PLEKHM3: variants seen among roughly 807,000 people sequenced by gnomAD.
PLEKHM3 encodes the protein pleckstrin homology domain-containing family M member 3.
PLEKHM3 carries 45 observed loss-of-function variants against 81.8 expected under a neutral mutation model. The ratio of observed to expected loss-of-function variants is 0.55; its 90% CI spans 0.43 to 0.71. The LOEUF (loss-of-function observed/expected upper bound fraction) is 0.71, where lower values mean the gene tolerates loss of function less well. PLEKHM3 is among the 30% of genes least tolerant of loss of function. The probability of loss-of-function intolerance (pLI) is 0.00; values close to 1 mark genes in which losing one functional copy is unlikely to be tolerated. For missense variants in PLEKHM3, 788 were observed against 924.3 expected (o/e 0.85, Z 1.91); for synonymous variants, 352 against 356.4 (o/e 0.99, Z 0.14).
At chr2:207,863,746 T>TAA (rs878875311) in intron 6 of PLEKHM3, among the ~76,000 whole-genome samples, 1 of 151,920 alleles carries the variant, frequency 6.6e-6, no homozygotes, top group Non-Finnish European at 1.5e-5. Context: ...ATGAGGCTCT[T>TAA]AAAAAAAACC....
intron 5 of PLEKHM3, among the ~76,000 whole-genome samples, chr2:207,909,053 C>A (rs193049913): frequency 6.6e-6 from 1 of 152,244 alleles, no homozygotes; most frequent in Non-Finnish European, 1.5e-5. Context: ...AGTGGCCACT[C>A]GTGTCTAGAG....
At chr2:207,841,731 T>A (rs1478892529) in intron 7 of PLEKHM3, among the ~76,000 whole-genome samples, 2 of 151,798 alleles carry the variant, frequency 1.3e-5, no homozygotes, top group East Asian at 3.9e-4. Flanking sequence ...TAAATTCCCA[T>A]ATTACTTGGG....
chr2:207,998,592 G>A (rs1279562047), intron 2 of PLEKHM3, among the ~76,000 whole-genome samples: 2 of 152,142 alleles, frequency 1.3e-5, no homozygotes, highest in African/African-American at 4.8e-5. Context: ...TGTTACAGCT[G>A]ACTTTTCAAA....
At chr2:207,830,680 GAAGGACACT>G (rs1559198484) in intron 7 of PLEKHM3, among the ~76,000 whole-genome samples, 18 of 143,954 alleles carry the variant, frequency 1.3e-4, no homozygotes, top group Admixed American at 6.1e-4. Context: ...GTCCTTAGAA[GAAGGACACT>G]TCTTCTAAGT....
intron 1 of PLEKHM3, among the ~76,000 whole-genome samples, chr2:208,024,188 T>A (rs1693233113): frequency 1.8e-5 from 2 of 110,266 alleles, no homozygotes; most frequent in Admixed American, 8.7e-5. Context: ...AAAATAACAA[T>A]AATAAAAACC....
chr2:207,995,228 A>C (rs1432493987), intron 2 of PLEKHM3, among the ~76,000 whole-genome samples: 2 of 152,230 alleles, frequency 1.3e-5, no homozygotes, highest in African/African-American at 4.8e-5. Flanking sequence ...AATAAGTTAA[A>C]TGCAGGAAAC....
intron 3 of PLEKHM3, among the ~76,000 whole-genome samples, chr2:207,964,735 G>A (rs1283843180): frequency 6.6e-6 from 1 of 152,186 alleles, no homozygotes; most frequent in African/African-American, 2.4e-5. Context: ...CCTGAAAAAA[G>A]GGAGGGAGTT....
chr2:207,998,993 C>CTA (rs968503090), intron 2 of PLEKHM3, among the ~76,000 whole-genome samples: 7 of 146,394 alleles, frequency 4.8e-5, no homozygotes, highest in African/African-American at 1.7e-4. Flanking sequence ...CCTTTAATAT[C>CTA]TTTTTTTTTT....
At chr2:207,961,874 G>C (rs964985163) in intron 3 of PLEKHM3, among the ~76,000 whole-genome samples, 1 of 152,210 alleles carries the variant, frequency 6.6e-6, no homozygotes, top group Non-Finnish European at 1.5e-5. Flanking sequence ...GTAGGCCAAA[G>C]CTTCCTCATT....
chr2:207,927,775 A>G (rs1248041176), intron 5 of PLEKHM3, among the ~76,000 whole-genome samples: 7 of 152,180 alleles, frequency 4.6e-5, no homozygotes, highest in Non-Finnish European at 1.0e-4. Flanking sequence ...GGTTGCAGTG[A>G]GCCAAGATCG....
chr2:208,014,804 TCTGA>T (rs1270452150), intron 1 of PLEKHM3, among the ~76,000 whole-genome samples: 1 of 152,246 alleles, frequency 6.6e-6, no homozygotes, highest in Admixed American at 6.5e-5. Context: ...ATTCTGGGGC[TCTGA>T]CTGATCCATA....
rs1170893142 is a variant in PLEKHM3 at position 207,976,693 on chromosome 2, A to G, written c.1504T>C (p.Ser502Pro). 6.2e-7 allele frequency: 1 copy of G among 1,614,182 alleles called. No individual in the cohort carries two copies. The highest frequency in any genetic ancestry group is 1.1e-5 in the South Asian group (1 of 91,076). Residue 502 changes from serine to proline, a missense_variant, in exon 3 of 8, where the codon TCT becomes CCT. Ser to Pro is a moderately conservative substitution (Grantham distance 74, BLOSUM62 -1). Coordinates refer to ENST00000427836, the MANE Select transcript of PLEKHM3 (RefSeq NM_001080475.3). The surrounding 1 kb of genome is among the most constrained non-coding windows in gnomAD (Gnocchi z 4.1). ...TGAGCAGTGAGTCCTCGTTCCAAAG[A>G]CAAAGTCGTCAAAATGCTCAGGAAG... ...TSFLSILTTL[S>P]LERGLTAQSF...
intron 4 of PLEKHM3, among the ~76,000 whole-genome samples, chr2:207,936,846 AGTGTGT>A (rs57642698): frequency 0.016 from 2,372 of 146,714 alleles, 26 homozygotes; most frequent in Non-Finnish European, 0.023. Flanking sequence ...TAGATAAATT[AGTGTGT>A]GTGTGTGTGT....
intron 2 of PLEKHM3, among the ~76,000 whole-genome samples, chr2:207,990,630 T>C (rs1024905865): frequency 6.6e-6 from 1 of 152,198 alleles, no homozygotes; most frequent in Non-Finnish European, 1.5e-5. Context: ...CACATGTCCA[T>C]AGCAAAGAAC....
chr2:207,959,482 A>C (rs1690657194), intron 3 of PLEKHM3, among the ~76,000 whole-genome samples: 1 of 152,192 alleles, frequency 6.6e-6, no homozygotes, highest in South Asian at 2.1e-4. Flanking sequence ...GGATTTATTT[A>C]GAAGTCGCTT....
chr2:207,833,729 G>C (rs566971138), intron 7 of PLEKHM3, among the ~76,000 whole-genome samples: 37 of 152,280 alleles, frequency 2.4e-4, no homozygotes, highest in African/African-American at 8.2e-4. Context: ...AAATGCCTCT[G>C]CGGGCAAAAC....
chr2:207,959,370 G>A (rs138708374), intron 3 of PLEKHM3, among the ~76,000 whole-genome samples: 2 of 152,312 alleles, frequency 1.3e-5, no homozygotes, highest in East Asian at 3.9e-4. Context: ...AAAAGGCCAA[G>A]AACCTCCTAT....
At chr2:207,888,027 A>G (rs1029876225) in intron 6 of PLEKHM3, among the ~76,000 whole-genome samples, 1 of 151,906 alleles carries the variant, frequency 6.6e-6, no homozygotes, top group Non-Finnish European at 1.5e-5. Context: ...TGTCCATTCA[A>G]TGTAGGACAG....
intron 1 of PLEKHM3, among the ~76,000 whole-genome samples, chr2:208,003,782 A>G (rs781491228): frequency 2.6e-5 from 4 of 152,130 alleles, no homozygotes; most frequent in Non-Finnish European, 4.4e-5. Context: ...AACTTGGGAT[A>G]TTTTTCAATT....
Sources: allele counts gnomAD v4.1 joint callset (sites outside exome capture counted in the v4.1 genomes callset), GRCh38; gene constraint gnomAD v4.1.1; non-coding constraint Gnocchi (gnomAD v3.1); transcripts MANE v1.5; gene names NCBI Gene and HGNC (gene_info 2026-07-23, HGNC 2026-07-21).